Variants in SPTBN1 observed in about 807,000 individuals in gnomAD.
SPTBN1 encodes the protein spectrin beta chain, non-erythrocytic 1.
In SPTBN1, 32 loss-of-function variants were observed where a neutral mutation model predicts 266.4. The observed-to-expected ratio is 0.12, with a 90% CI of 0.09 to 0.16. The LOEUF (loss-of-function observed/expected upper bound fraction) is 0.16, where lower values mean the gene tolerates loss of function less well. SPTBN1 is among the 10% of genes least tolerant of loss of function. SPTBN1 has a pLI of 1.00. For synonymous variants in SPTBN1, 1,336 were observed against 1,162.2 expected, an observed-to-expected ratio of 1.15 and a Z score of -3.04; for missense variants, 2,296 against 3,067.1, an observed-to-expected ratio of 0.75 and a Z score of 5.94.
chr2:54,659,031 C>G (rs372439672), intron 30 of SPTBN1, 123 bp from the exon 31 acceptor site: 1 of 923,592 alleles, frequency 1.1e-6, no homozygotes, highest in African/African-American at 1.6e-5. Context: ...GATGTTAGAG[C>G]TTCTTGTCCA....
chr2:54,580,600 CA>C (rs5831313), intron 2 of SPTBN1, among the ~76,000 whole-genome samples: 1,444 of 137,688 alleles, frequency 0.01, 7 homozygotes, highest in African/African-American at 0.018. Context: ...ACACTTTAAC[CA>C]AAAAAAAAAA....
intron 2 of SPTBN1, among the ~76,000 whole-genome samples, chr2:54,563,336 A>T (rs1263025492): frequency 6.6e-6 from 1 of 151,884 alleles, no homozygotes; most frequent in African/African-American, 2.4e-5. Context: ...AGATGCTGAC[A>T]CTCCGCATCT....
chr2:54,622,294 T>G lies in SPTBN1; in HGVS notation c.877-6T>G, dbSNP rs755058857. 5 of 1,613,400 alleles carry G rather than the reference T, an allele frequency of 3.1e-6. No individual in the cohort carries two copies. The highest frequency in any genetic ancestry group is 4.2e-6 in the Non-Finnish European group (5 of 1,179,556). The stretch of plus-strand genomic sequence containing the variant: ...TCTTTTCAATTTTTCTATCCCTTGT[T>G]GCCAGGTGCTTGACAATGCTATTGA... On this transcript the variant is annotated splice_polypyrimidine_tract_variant and splice_region_variant and intron_variant, in intron 8 of 35. Transcript: ENST00000356805.
intron 1 of SPTBN1, among the ~76,000 whole-genome samples, chr2:54,466,226 C>T (rs1269064893): frequency 1.3e-5 from 2 of 152,040 alleles, no homozygotes; most frequent in Non-Finnish European, 2.9e-5. Context: ...TGTATTAGAA[C>T]ATAACTATAG....
intron 32 of SPTBN1, chr2:54,663,829 C>T (rs1681202932): frequency 6.6e-6 from 1 of 152,202 alleles, no homozygotes; most frequent in East Asian, 1.9e-4. Context: ...CCTTCCAGCT[C>T]TTAAGTTCCA....
intron 2 of SPTBN1, among the ~76,000 whole-genome samples, chr2:54,592,952 T>C (rs185240870): frequency 2.6e-5 from 4 of 152,286 alleles, no homozygotes; most frequent in Admixed American, 1.3e-4. Context: ...TAGTTTGCTG[T>C]GAAGATCTAG....
chr2:54,460,117 C>T (rs13026575), intron 1 of SPTBN1, among the ~76,000 whole-genome samples: 24,505 of 152,220 alleles, frequency 0.16, 2,132 homozygotes, highest in African/African-American at 0.19. Context: ...GTTGCAAATG[C>T]AGATTCTTAG....
At chr2:54,596,614 T>A (rs1676111354) in intron 2 of SPTBN1, among the ~76,000 whole-genome samples, 2 of 152,180 alleles carry the variant, frequency 1.3e-5, no homozygotes, top group Non-Finnish European at 2.9e-5. Flanking sequence ...GGCCTGCTCC[T>A]GACTGTGAGG....
intron 2 of SPTBN1, among the ~76,000 whole-genome samples, chr2:54,583,010 A>G (rs989699926): frequency 2.0e-5 from 3 of 152,306 alleles, no homozygotes; most frequent in South Asian, 4.1e-4. Context: ...AACCCTGACT[A>G]TAGGGGTGGA....
intron 1 of SPTBN1, among the ~76,000 whole-genome samples, chr2:54,471,340 G>A (rs1445950480): frequency 6.6e-6 from 1 of 152,202 alleles, no homozygotes; most frequent in African/African-American, 2.4e-5. Flanking sequence ...CTTACTTGGT[G>A]AGTGCTTAAC....
chr2:54,628,902 A>T lies in SPTBN1; in HGVS notation c.1799-31A>T. On this transcript the variant is annotated intron_variant, in intron 13 of 35. Transcript: ENST00000356805. The surrounding 1 kb of genome is among the most constrained non-coding windows in gnomAD (Gnocchi z 4.3). ...CTGCACCCATGCTGAGCTCCCTCACACAGCCACGTTCCTTCCTTGATGTTA... is the reference window on the plus strand; with the variant it reads ...CTGCACCCATGCTGAGCTCCCTCACTCAGCCACGTTCCTTCCTTGATGTTA... 6.5e-7 allele frequency: 1 copy of T among 1,546,972 alleles called. No individual in the cohort carries two copies. The highest frequency in any genetic ancestry group is 2.3e-5 in the East Asian group (1 of 44,370).
At chr2:54,593,741 G>A (rs1347050499) in intron 2 of SPTBN1, among the ~76,000 whole-genome samples, 1 of 149,750 alleles carries the variant, frequency 6.7e-6, no homozygotes, top group African/African-American at 2.4e-5. Context: ...CAATAATGCA[G>A]CAGACCCTTT....
At chr2:54,662,035 A>G in intron 32 of SPTBN1, 6 of 985,454 alleles carry the variant, frequency 6.1e-6, no homozygotes, top group Non-Finnish European at 7.2e-6. Flanking sequence ...TGCACTTTGA[A>G]TACCAATCAG....
At position 54,506,123 on chromosome 2, in the gene SPTBN1, CTAAATAAATAAATAAATAAATAAA is replaced by C. The variant is rs56815057; in HGVS notation, c.-47-20232_-47-20209del. Among the ~76,000 whole-genome samples, 491 of 145,538 alleles carry C rather than the reference CTAAATAAATAAATAAATAAATAAA, an allele frequency of 3.4e-3. 1 individual carries two copies. The highest frequency in any genetic ancestry group is 5.3e-3 in the Non-Finnish European group (351 of 66,434). On this transcript the variant is annotated intron_variant, in intron 1 of 35. Transcript: ENST00000356805. ...TGGGCAACAGAGTGAGACTCCGTCT[CTAAATAAATAAATAAATAAATAAA>C]TAAATAAATAAATAAAATCTGAATG...
chr2:54,481,391 A>AGTGTGTGTGTGTGTGTGTGT (rs72077761), intron 1 of SPTBN1, among the ~76,000 whole-genome samples: 2 of 117,338 alleles, frequency 1.7e-5, no homozygotes, highest in Non-Finnish European at 3.5e-5. Context: ...CAGAAACCTG[A>AGTGTGTGTGTGTGTGTGTGT]GTGTGTGTGT....
chr2:54,591,664 A>C (rs1445425309), intron 2 of SPTBN1, among the ~76,000 whole-genome samples: 1 of 151,878 alleles, frequency 6.6e-6, no homozygotes, highest in Non-Finnish European at 1.5e-5. Context: ...GCTTTCCTTC[A>C]TTCCTGGCTC....
At chr2:54,654,843 A>T (rs1452113635) in intron 27 of SPTBN1, among the ~76,000 whole-genome samples, 1 of 152,184 alleles carries the variant, frequency 6.6e-6, no homozygotes. Context: ...ACAAAAACAA[A>T]AGCAGCCATA....
At position 54,669,139 on chromosome 2, in the gene SPTBN1, C is replaced by G. The variant is rs1392869927; in HGVS notation, c.*570C>G. 6.5e-6 allele frequency: 1 copy of G among 152,770 alleles called. No homozygotes were observed. The highest frequency in any genetic ancestry group is 2.4e-5 in the African/African-American group (1 of 41,392). 9.5% of individuals were successfully genotyped at this position (152,770 alleles called of 1,614,324 possible). ...GTATCTGGCATCACTTACTAACACA[C>G]GACATGCGGCTTTTCTGCATCAACT... On this transcript the variant is annotated 3_prime_UTR_variant, in exon 36 of 36. Coordinates refer to ENST00000356805, the MANE Select transcript of SPTBN1 (RefSeq NM_003128.3).
intron 2 of SPTBN1, among the ~76,000 whole-genome samples, chr2:54,573,978 G>A (rs1003389372): frequency 3.3e-5 from 5 of 152,042 alleles, no homozygotes; most frequent in Non-Finnish European, 7.4e-5. Flanking sequence ...GAATCAGTTA[G>A]AATAATGTGC....
Sources: gnomAD v4.1 joint callset for allele counts (sites outside exome capture counted in the v4.1 genomes callset) on GRCh38, gnomAD v4.1.1 for gene constraint, Gnocchi (gnomAD v3.1) non-coding constraint, MANE v1.5 for transcripts, NCBI Gene and HGNC (gene_info 2026-07-23, HGNC 2026-07-21) for gene names.